CEACAM1: variants seen among roughly 807,000 people sequenced by gnomAD.
CEACAM1 encodes cell adhesion molecule CEACAM1.
Under a neutral mutation model 49.1 loss-of-function variants are expected in CEACAM1, and 31 were observed. The ratio of observed to expected loss-of-function variants is 0.63; its 90% CI spans 0.47 to 0.85. CEACAM1 has a LOEUF of 0.85. Ranked by LOEUF, CEACAM1 falls within the 40% of genes least tolerant of loss-of-function variation. The pLI is 0.00. For synonymous variants in CEACAM1, 244 were observed against 247.8 expected, an observed-to-expected ratio of 0.98 and a Z score of 0.14; for missense variants, 570 against 645.3, an observed-to-expected ratio of 0.88 and a Z score of 1.26.
In CEACAM1 at chr19:42,521,936, AG is replaced by A. The variant is rs2041760002; in HGVS notation, c.690del (p.Leu231Ter). On this transcript the variant is annotated frameshift_variant, in exon 3 of 9. Transcript: ENST00000161559. LOFTEE classifies it high-confidence loss of function. Reference protein sequence around the residue: ...PVSANRSDPVTLNVTYGPDTP... With the variant: ...PVSANRSDPVXLNVTYGPDTP... ...AGAAGATACTCACAGGTGACATTCA[AG>A]GTGACTGGGTCACTGCGGTTCGCAC... The A allele has an allele frequency of 8.7e-6, 14 of 1,614,124 alleles. No homozygotes were observed. Among genetic ancestry groups the A allele is most frequent in the Non-Finnish European group, 1.2e-5 (14 of 1,180,056 alleles).
At chr19:42,520,368 T>G in intron 4 of CEACAM1, among the ~76,000 whole-genome samples, 1 of 152,172 alleles carries the variant, frequency 6.6e-6, no homozygotes, top group East Asian at 1.9e-4. Flanking sequence ...TATTTATTTA[T>G]TTATTTAGTT....
At chr19:42,528,282 C>G (rs370168049) in intron 1 of CEACAM1, 29 bp downstream of exon 1, 2 of 1,603,782 alleles carry the variant, frequency 1.2e-6, no homozygotes, top group African/African-American at 1.3e-5. Context: ...GCCCTCTTTC[C>G]GCCCCTTCCC....
intron 5 of CEACAM1, among the ~76,000 whole-genome samples, chr19:42,513,137 T>C (rs1353172958): frequency 6.6e-6 from 1 of 152,226 alleles, no homozygotes; most frequent in African/African-American, 2.4e-5. Flanking sequence ...AGTGTCTCAG[T>C]TGTGGCAGTT....
intron 5 of CEACAM1, among the ~76,000 whole-genome samples, chr19:42,517,296 A>G: frequency 6.6e-6 from 1 of 152,260 alleles, no homozygotes; most frequent in East Asian, 1.9e-4. Flanking sequence ...CACTAAAAGC[A>G]TAGGCAACGA....
intron 5 of CEACAM1, 25 bp downstream of exon 5, chr19:42,518,923 T>G (rs756420030): frequency 1.2e-6 from 2 of 1,612,878 alleles, no homozygotes; most frequent in African/African-American, 1.3e-5. Context: ...GAGGGACATA[T>G]AGGAAGGGGT....
chr19:42,510,671 G>C (rs1401987421), intron 8 of CEACAM1, among the ~76,000 whole-genome samples: 2 of 152,240 alleles, frequency 1.3e-5, no homozygotes, highest in Non-Finnish European at 2.9e-5. Context: ...GAGCTACTAA[G>C]AGTCACATCC....
rs956525727 is a variant in CEACAM1, at chr19:42,518,873, A to G, written c.1246+75T>C. The G allele has an allele frequency of 3.4e-6, 5 of 1,492,084 alleles. No individual in the cohort carries two copies. In the Admixed American group the frequency reaches 6.8e-5, roughly 20 times the overall value. 92.4% of individuals were successfully genotyped at this position (1,492,084 alleles called of 1,614,324 possible). The stretch of plus-strand genomic sequence containing the variant: ...CTTCATTGATATTCTGCCTCCTGTG[A>G]GTTTTATCCATTTTGCACACCATTG... On this transcript the variant is annotated intron_variant, in intron 5 of 8. Coordinates refer to ENST00000161559, the MANE Select transcript of CEACAM1 (RefSeq NM_001712.5).
intron 2 of CEACAM1, among the ~76,000 whole-genome samples, chr19:42,523,382 C>T (rs971891507): frequency 2.0e-5 from 3 of 152,190 alleles, no homozygotes; most frequent in African/African-American, 7.2e-5. Context: ...CAGTTTTTCC[C>T]AGGTGTTTGA....
intron 5 of CEACAM1, among the ~76,000 whole-genome samples, chr19:42,513,916 A>G (rs947614250): frequency 1.6e-5 from 2 of 123,264 alleles, no homozygotes; most frequent in Non-Finnish European, 3.1e-5. Context: ...ATATATATAT[A>G]TAATATATAA....
intron 8 of CEACAM1, among the ~76,000 whole-genome samples, chr19:42,509,644 T>C (rs2041406917): frequency 6.6e-6 from 1 of 152,090 alleles, no homozygotes; most frequent in Non-Finnish European, 1.5e-5. Context: ...TTTTTTTTTT[T>C]GCGACGGAGT....
At chr19:42,512,264 C>T in intron 6 of CEACAM1, 86 bp downstream of exon 6, 2 of 1,524,266 alleles carry the variant, frequency 1.3e-6, no homozygotes, top group Non-Finnish European at 1.8e-6. Context: ...AGATCCAGGC[C>T]CAGAGACAGG....
In CEACAM1 at chr19:42,509,017, C is replaced by T; in HGVS notation, c.*92G>A. On this transcript the variant is annotated 3_prime_UTR_variant, in exon 9 of 9. Coordinates refer to ENST00000161559, the MANE Select transcript of CEACAM1 (RefSeq NM_001712.5). ...TAGGAGAAAGTTGTTTCTGTCCCCACCCCTCTACCCCTACAGGGGAAAGGA... is the reference window on the plus strand; with the variant it reads ...TAGGAGAAAGTTGTTTCTGTCCCCATCCCTCTACCCCTACAGGGGAAAGGA... 1 of 1,513,998 alleles carries T rather than the reference C, an allele frequency of 6.6e-7. No individual in the cohort carries two copies. The highest frequency in any genetic ancestry group is 1.4e-5 in the African/African-American group (1 of 71,926). 93.8% of individuals were successfully genotyped at this position (1,513,998 alleles called of 1,614,324 possible). A position where few individuals can be genotyped will look rare whatever the true frequency, so the allele number is the denominator to read the frequency against.
At chr19:42,525,778 C>G (rs1234448647) in intron 2 of CEACAM1, 2 of 152,144 alleles carry the variant, frequency 1.3e-5, no homozygotes, top group Admixed American at 6.5e-5. Context: ...CAGTTACGGT[C>G]TGTGTGACCT....
chr19:42,523,540 C>A (rs1303009949), intron 2 of CEACAM1, among the ~76,000 whole-genome samples: 1 of 152,166 alleles, frequency 6.6e-6, no homozygotes, highest in Non-Finnish European at 1.5e-5. Context: ...TCCCTTTTCC[C>A]CCTGAAAAGA....
chr19:42,513,911 T>A (rs865952441), intron 5 of CEACAM1, among the ~76,000 whole-genome samples: 3 of 123,618 alleles, frequency 2.4e-5, no homozygotes, highest in African/African-American at 1.4e-4. Context: ...TATATATATA[T>A]ATATATAATA....
At chr19:42,511,061 C>T in intron 7 of CEACAM1, 141 bp from the exon 8 acceptor site, 1 of 742,414 alleles carries the variant, frequency 1.3e-6, no homozygotes, top group Non-Finnish European at 2.3e-6. Context: ...GTGTATGGTC[C>T]AGACCCAGCA....
At chr19:42,509,343 AG>A (rs1032786526) in intron 8 of CEACAM1, 115 bp from the exon 9 acceptor site, 31 of 1,258,048 alleles carry the variant, frequency 2.5e-5, no homozygotes, top group Non-Finnish European at 3.3e-5. Flanking sequence ...GCTCTGGAGA[AG>A]GGCTTTTGTT....
At chr19:42,523,629 AG>A (rs2147802270) in intron 2 of CEACAM1, among the ~76,000 whole-genome samples, 1 of 152,368 alleles carries the variant, frequency 6.6e-6, no homozygotes, top group South Asian at 2.1e-4. Context: ...GTGGAACGGA[AG>A]GAGCATGAAC....
intron 5 of CEACAM1, among the ~76,000 whole-genome samples, chr19:42,513,056 T>C (rs1907267686): frequency 6.6e-6 from 1 of 152,236 alleles, no homozygotes; most frequent in African/African-American, 2.4e-5. Context: ...CTTTGAAATA[T>C]GAGAAAGGCT....
Sources: allele counts gnomAD v4.1 joint callset (sites outside exome capture counted in the v4.1 genomes callset), GRCh38; gene constraint gnomAD v4.1.1; transcripts MANE v1.5; gene names NCBI Gene and HGNC (gene_info 2026-07-23, HGNC 2026-07-21).